The following NWD2 variants were observed in gnomAD, a reference collection of about 807,000 sequenced individuals.
NWD2 encodes the protein NACHT and WD repeat domain-containing protein 2.
NWD2 carries 37 observed loss-of-function variants against 132.7 expected under a neutral mutation model. The observed-to-expected ratio is 0.28, with a 90% CI of 0.21 to 0.37. The LOEUF is 0.37. Among genes scored for constraint, NWD2 ranks in the 10% least tolerant of loss-of-function variants. NWD2 has a pLI of 1.00. For synonymous variants in NWD2, 705 were observed against 803.0 expected (o/e 0.88, Z 2.06); for missense variants, 1,592 against 2,122.4 (o/e 0.75, Z 4.91).
intron 3 of NWD2, among the ~76,000 whole-genome samples, chr4:37,426,585 C>A (rs115835233): frequency 0.01 from 1,569 of 152,214 alleles, 13 homozygotes; most frequent in Non-Finnish European, 0.016. Context: ...TTGAAATGAT[C>A]CTCTGTGGTC....
intron 3 of NWD2, among the ~76,000 whole-genome samples, chr4:37,397,805 C>T (rs1050235635): frequency 4.6e-5 from 7 of 152,136 alleles, no homozygotes; most frequent in African/African-American, 1.7e-4. Context: ...CTCTCTCTCT[C>T]TCTCTCTTTC....
chr4:37,388,953 C>T (rs190521382), intron 3 of NWD2, among the ~76,000 whole-genome samples: 120 of 151,258 alleles, frequency 7.9e-4, no homozygotes, highest in African/African-American at 2.8e-3. Flanking sequence ...CGCCTAGTTC[C>T]AGAAACATGG....
chr4:37,354,583 T>C (rs2109300074), intron 2 of NWD2, among the ~76,000 whole-genome samples: 1 of 152,246 alleles, frequency 6.6e-6, no homozygotes, highest in Middle Eastern at 3.4e-3. Context: ...CTTGCCAGCT[T>C]TTCTTAACTC....
At chr4:37,352,189 T>A (rs1205723145) in intron 2 of NWD2, among the ~76,000 whole-genome samples, 3 of 152,200 alleles carry the variant, frequency 2.0e-5, no homozygotes, top group Non-Finnish European at 4.4e-5. Context: ...TAGGTGTCTA[T>A]TAAGTCCCCT....
chr4:37,375,802 T>C (rs1720336224), intron 3 of NWD2, among the ~76,000 whole-genome samples: 1 of 152,032 alleles, frequency 6.6e-6, no homozygotes, highest in African/African-American at 2.4e-5. Flanking sequence ...CTCCTGACCT[T>C]GTGATCCACC....
chr4:37,403,643 G>C (rs1720940598), intron 3 of NWD2, among the ~76,000 whole-genome samples: 1 of 145,634 alleles, frequency 6.9e-6, no homozygotes, highest in Non-Finnish European at 1.5e-5. Flanking sequence ...TCCTCTCTAG[G>C]ACAAAGCTAT....
At chr4:37,391,195 T>C (rs1577688097) in intron 3 of NWD2, among the ~76,000 whole-genome samples, 1 of 152,244 alleles carries the variant, frequency 6.6e-6, no homozygotes, top group Admixed American at 6.5e-5. Flanking sequence ...CTTGCGGCTG[T>C]TCATCAAAAA....
chr4:37,441,781 A>G (rs1434158945), intron 6 of NWD2, among the ~76,000 whole-genome samples: 1 of 152,184 alleles, frequency 6.6e-6, no homozygotes, highest in Non-Finnish European at 1.5e-5. Flanking sequence ...ACTCACCGTC[A>G]ACAACAACCT....
chr4:37,407,404 G>A (rs758587309), intron 3 of NWD2, among the ~76,000 whole-genome samples: 4 of 152,128 alleles, frequency 2.6e-5, no homozygotes, highest in Non-Finnish European at 5.9e-5. Context: ...AAACAGAAAT[G>A]TCTTGGGCCC....
At chr4:37,262,177 G>A (rs1448161920) in intron 1 of NWD2, among the ~76,000 whole-genome samples, 1 of 152,190 alleles carries the variant, frequency 6.6e-6, no homozygotes, top group Non-Finnish European at 1.5e-5. Flanking sequence ...GTGGAAGCTG[G>A]ATCATGTGGA....
At chr4:37,366,451 A>G (rs1720100663) in intron 3 of NWD2, among the ~76,000 whole-genome samples, 1 of 152,178 alleles carries the variant, frequency 6.6e-6, no homozygotes, top group Admixed American at 6.5e-5. Flanking sequence ...ATTACAAGAC[A>G]TGCAAGGAAT....
At chr4:37,359,010 T>C (rs978436697) in intron 3 of NWD2, among the ~76,000 whole-genome samples, 1 of 152,152 alleles carries the variant, frequency 6.6e-6, no homozygotes, top group Non-Finnish European at 1.5e-5. Context: ...CCTCAATTAC[T>C]GTGATCTCCA....
intron 3 of NWD2, among the ~76,000 whole-genome samples, chr4:37,397,124 A>G (rs184541341): frequency 6.6e-6 from 1 of 151,968 alleles, no homozygotes; most frequent in Admixed American, 6.6e-5. Flanking sequence ...GGAGTTGGTG[A>G]TAGGGATGAG....
chr4:37,287,082 A>G (rs1025153959), intron 1 of NWD2, among the ~76,000 whole-genome samples: 3 of 152,082 alleles, frequency 2.0e-5, no homozygotes, highest in Non-Finnish European at 4.4e-5. Context: ...GGGAGCCCCA[A>G]CCCCCAGCCA....
At position 37,433,872 on chromosome 4, in the gene NWD2, A is replaced by G. The variant is rs1337222648; in HGVS notation, c.562-4A>G. The G allele has an allele frequency of 3.9e-6, 6 of 1,525,314 alleles. No individual in the cohort carries two copies. The highest frequency in any genetic ancestry group is 2.2e-5 in the Admixed American group (1 of 45,048). 94.5% of individuals were successfully genotyped at this position (1,525,314 alleles called of 1,614,324 possible). On this transcript the variant is annotated splice_region_variant and splice_polypyrimidine_tract_variant and intron_variant, in intron 4 of 6. Coordinates refer to ENST00000309447, the MANE Select transcript of NWD2 (RefSeq NM_001144990.2). ...ACTAATTTCTCCCTTTTACATTTCT[A>G]TAGATGCAGCCTTCTACCAATGCTG...
intron 3 of NWD2, among the ~76,000 whole-genome samples, chr4:37,394,039 T>A (rs1162219182): frequency 6.6e-6 from 1 of 152,224 alleles, no homozygotes; most frequent in Non-Finnish European, 1.5e-5. Flanking sequence ...AGTGGGAATG[T>A]GGAAATCTTT....
chr4:37,302,177 T>C (rs1718624749), intron 1 of NWD2, among the ~76,000 whole-genome samples: 1 of 151,904 alleles, frequency 6.6e-6, no homozygotes, highest in African/African-American at 2.4e-5. Context: ...AGCTCAACTT[T>C]TGTAGCTCCC....
At chr4:37,437,191 G>A (rs987090190) in intron 5 of NWD2, among the ~76,000 whole-genome samples, 17 of 152,016 alleles carry the variant, frequency 1.1e-4, no homozygotes, top group Admixed American at 1.0e-3. Context: ...TTTATGGCCA[G>A]ACCAGCCCTG....
intron 1 of NWD2, among the ~76,000 whole-genome samples, chr4:37,272,103 T>C (rs1431327823): frequency 6.6e-6 from 1 of 151,804 alleles, no homozygotes; most frequent in Admixed American, 6.6e-5. Flanking sequence ...GTGAAGTACA[T>C]TTTTGATTTT....
Sources: allele counts gnomAD v4.1 joint callset (sites outside exome capture counted in the v4.1 genomes callset), GRCh38; gene constraint gnomAD v4.1.1; transcripts MANE v1.5; gene names NCBI Gene and HGNC (gene_info 2026-07-23, HGNC 2026-07-21).